ZNF714: variants seen among roughly 807,000 people sequenced by gnomAD.
ZNF714 encodes the protein zinc finger protein 714.
Under a neutral mutation model 46.2 loss-of-function variants are expected in ZNF714, and 32 were observed. The ratio of observed to expected loss-of-function variants is 0.69; its 90% CI spans 0.52 to 0.93. The LOEUF (loss-of-function observed/expected upper bound fraction) is 0.93. ZNF714 is among the 40% of genes least tolerant of loss of function. The pLI is 0.00. For missense variants in ZNF714, 635 were observed against 646.3 expected (o/e 0.98, Z 0.19); for synonymous variants, 199 against 213.1 (o/e 0.93, Z 0.58).
chr19:21,117,793 G>C lies in ZNF714; in HGVS notation c.1129G>C (p.Ala377Pro), dbSNP rs1280152508. ...KPYKCEECGKAFNHSSKLTIH... is the reference protein window; with the variant it reads ...KPYKCEECGKPFNHSSKLTIH... ...CTACAAATGTGAAGAATGTGGCAAA[G>C]CCTTTAACCACTCCTCAAAACTTAC... Residue 377 changes from alanine (A) to proline (P), a missense_variant, in exon 5 of 5, where the codon GCC (alanine) becomes CCC (proline). Physicochemically the swap from Ala to Pro is conservative, Grantham distance 27. Transcript: ENST00000456283. 6.2e-7 allele frequency: 1 copy of C among 1,612,450 alleles called. No individual in the cohort carries two copies. The highest frequency in any genetic ancestry group is 8.5e-7 in the Non-Finnish European group (1 of 1,179,170).
chr19:21,113,951 A>G (rs995801302), intron 4 of ZNF714, among the ~76,000 whole-genome samples: 2 of 152,146 alleles, frequency 1.3e-5, no homozygotes, highest in African/African-American at 2.4e-5. Flanking sequence ...TTCTGTCTCA[A>G]TGATCTGTCT....
chr19:21,097,114 C>T (rs111341946), intron 2 of ZNF714, among the ~76,000 whole-genome samples: 6,277 of 152,176 alleles, frequency 0.041, 423 homozygotes, highest in African/African-American at 0.14. Flanking sequence ...GATCCGCCTG[C>T]CTCAGCCTCC....
intron 4 of ZNF714, among the ~76,000 whole-genome samples, chr19:21,107,802 A>G (rs1251194147): frequency 1.3e-5 from 2 of 152,222 alleles, no homozygotes; most frequent in African/African-American, 4.8e-5. Flanking sequence ...TATTGGAGGC[A>G]TGAGCCACCG....
At chr19:21,093,955 G>A (rs1402742660) in intron 2 of ZNF714, among the ~76,000 whole-genome samples, 1 of 152,028 alleles carries the variant, frequency 6.6e-6, no homozygotes, top group Non-Finnish European at 1.5e-5. Context: ...TTTTAATCTA[G>A]TCTACATTAA....
chr19:21,118,304 T>G lies in ZNF714; in HGVS notation c.1640T>G (p.Phe547Cys), dbSNP rs1969650027. 9.2e-7 allele frequency: 1 copy of G among 1,082,174 alleles called. No homozygotes were observed. Among genetic ancestry groups the G allele is most frequent in the Non-Finnish European group, 1.3e-6 (1 of 760,454 alleles). The allele number at this position is 1,082,174 out of a possible 1,614,324, so 67.0% of individuals were successfully genotyped here. The change falls in exon 5 of 5, where the codon TTT becomes TGT. Residue 547 changes from phenylalanine (F) to cysteine (C), a missense_variant. Transcript: ENST00000456283. Reference sequence around the variant, plus strand: ...CCATCTCTACTAAAAATACAAAAATTTGCTGGGTGTGGTGGCAGGCGCCTG... The same window carrying G: ...CCATCTCTACTAAAAATACAAAAATGTGCTGGGTGTGGTGGCAGGCGCCTG... ...KTPSLLKIQK[F>C]AGCGGRRL
intron 4 of ZNF714, among the ~76,000 whole-genome samples, chr19:21,113,817 C>A (rs1037175721): frequency 6.6e-6 from 1 of 151,938 alleles, no homozygotes; most frequent in African/African-American, 2.4e-5. Flanking sequence ...GCCATATGAT[C>A]AATTTTAGAG....
At chr19:21,100,427 G>C (rs974197989) in intron 4 of ZNF714, among the ~76,000 whole-genome samples, 21 of 151,886 alleles carry the variant, frequency 1.4e-4, no homozygotes, top group Admixed American at 2.0e-4. Flanking sequence ...AGCTACTCAG[G>C]AGGCTAAGGC....
rs147630338 is a variant in ZNF714, at chr19:21,093,034, C to T, written c.-84-5151C>T. Among the ~76,000 whole-genome samples, 161 of 151,186 alleles carry T rather than the reference C, an allele frequency of 1.1e-3. 1 individual carries two copies. The highest frequency in any genetic ancestry group is 3.2e-3 in the African/African-American group (132 of 41,238). On this transcript the variant is annotated intron_variant, in intron 2 of 4. Coordinates refer to ENST00000456283, the MANE Select transcript of ZNF714 (RefSeq NM_182515.4). ...ATGCCATTCTCCTGCCTCAGCCTCC[C>T]GAGTAGCTGGGACTACAGGTGTCTG... is the stretch of plus-strand genomic sequence containing the variant.
At chr19:21,111,287 C>A (rs912036474) in intron 4 of ZNF714, among the ~76,000 whole-genome samples, 3 of 152,062 alleles carry the variant, frequency 2.0e-5, no homozygotes, top group African/African-American at 7.2e-5. Flanking sequence ...CTATCACTTC[C>A]CTTGTTAGCT....
At chr19:21,100,687 T>A (rs1969157115) in intron 4 of ZNF714, among the ~76,000 whole-genome samples, 1 of 152,196 alleles carries the variant, frequency 6.6e-6, no homozygotes, top group African/African-American at 2.4e-5. Context: ...TTTGCTAATT[T>A]ACTGACTGTA....
intron 4 of ZNF714, among the ~76,000 whole-genome samples, chr19:21,114,055 G>C (rs966820367): frequency 2.0e-5 from 3 of 152,000 alleles, no homozygotes; most frequent in African/African-American, 7.3e-5. Flanking sequence ...TATGAATCTG[G>C]GTGCTCCTTG....
chr19:21,083,501 T>G (rs760017063), intron 1 of ZNF714, among the ~76,000 whole-genome samples: 3 of 152,192 alleles, frequency 2.0e-5, no homozygotes, highest in African/African-American at 4.8e-5. Context: ...ATCTCCAGCC[T>G]CACTCTGGCT....
intron 2 of ZNF714, among the ~76,000 whole-genome samples, chr19:21,084,697 A>G (rs1968733547): frequency 6.7e-6 from 1 of 148,878 alleles, no homozygotes; most frequent in Admixed American, 6.6e-5. Flanking sequence ...CTTGAAAGGT[A>G]GGAAATTTTT....
intron 4 of ZNF714, chr19:21,109,496 A>AT (rs1488254543): frequency 5.2e-6 from 1 of 191,676 alleles, no homozygotes; most frequent in Non-Finnish European, 9.6e-6. Flanking sequence ...CTGAGATTAC[A>AT]TTTTTTAAAT....
At position 21,117,994 on chromosome 19, in the gene ZNF714, A is replaced by G. The variant is rs1969641109; in HGVS notation, c.1330A>G (p.Lys444Glu). 2 of 1,613,606 alleles carry G rather than the reference A, an allele frequency of 1.2e-6. No individual in the cohort carries two copies. Among genetic ancestry groups the G allele is most frequent in the African/African-American group, 2.7e-5 (2 of 74,914 alleles). The change falls in exon 5 of 5, where the codon AAG (lysine) becomes GAG (glutamate). Residue 444 changes from lysine (K) to glutamate (E), a missense_variant. Physicochemically the swap from Lys to Glu is moderately conservative, Grantham distance 56. Transcript: ENST00000456283. ...FNRSSNLTTH[K>E]RIHTGEKPYK... ...CCGATCCTCAAACCTTACTACACAT[A>G]AGAGAATTCACACTGGAGAGAAACC...
intron 4 of ZNF714, among the ~76,000 whole-genome samples, chr19:21,112,317 G>A (rs866410142): frequency 2.6e-5 from 4 of 152,118 alleles, no homozygotes; most frequent in Non-Finnish European, 2.9e-5. Context: ...GTTCAGACTT[G>A]AAAGGATGGA....
chr19:21,100,044 C>CG (rs1354917314), intron 4 of ZNF714, among the ~76,000 whole-genome samples: 1 of 151,876 alleles, frequency 6.6e-6, no homozygotes, highest in Non-Finnish European at 1.5e-5. Context: ...TTGGTAGAGA[C>CG]GGGGTTTCAC....
At chr19:21,086,279 G>C (rs1266894229) in intron 2 of ZNF714, among the ~76,000 whole-genome samples, 1 of 152,072 alleles carries the variant, frequency 6.6e-6, no homozygotes, top group Non-Finnish European at 1.5e-5. Context: ...CCCACAAGAG[G>C]GTTCTTGATT....
At position 21,117,577 on chromosome 19, in the gene ZNF714, A is replaced by T; in HGVS notation, c.913A>T (p.Ile305Leu). 1 of 1,607,512 alleles carries T rather than the reference A, an allele frequency of 6.2e-7. No individual in the cohort carries two copies. Among genetic ancestry groups the T allele is most frequent in the East Asian group, 2.2e-5 (1 of 44,610 alleles). ...ATTCTCATACCTTACTAAACATAAG[A>T]TAATTCATTCTGGAGAGAAATCTTA... is the stretch of plus-strand genomic sequence containing the variant. ...NRFSYLTKHK[I>L]IHSGEKSYKC... Residue 305 changes from isoleucine (I) to leucine (L), a missense_variant, in exon 5 of 5, where the codon ATA becomes TTA. Ile to Leu is a conservative substitution (Grantham distance 5, BLOSUM62 2). Coordinates refer to ENST00000456283, the MANE Select transcript of ZNF714 (RefSeq NM_182515.4).
Sources: allele counts gnomAD v4.1 joint callset (sites outside exome capture counted in the v4.1 genomes callset), GRCh38; gene constraint gnomAD v4.1.1; transcripts MANE v1.5; gene names NCBI Gene and HGNC (gene_info 2026-07-23, HGNC 2026-07-21).